GNAI1: variants seen among roughly 807,000 people sequenced by gnomAD.
The protein encoded by GNAI1 is guanine nucleotide-binding protein G(i) subunit alpha-1.
GNAI1 carries 11 observed loss-of-function variants against 38.9 expected under a neutral mutation model. That is an observed-to-expected ratio of 0.28 (90% CI 0.18 to 0.47). The LOEUF (loss-of-function observed/expected upper bound fraction) is 0.47. Among genes scored for constraint, GNAI1 ranks in the 20% least tolerant of loss-of-function variants. The pLI is 0.99. For missense variants in GNAI1, 317 were observed against 436.9 expected (o/e 0.73, Z 2.45); for synonymous variants, 166 against 145.1 (o/e 1.14, Z -1.04).
At chr7:80,136,121 C>T (rs1787411753) in intron 1 of GNAI1, 2 of 825,950 alleles carry the variant, frequency 2.4e-6, no homozygotes, top group Non-Finnish European at 2.9e-6. Context: ...GTTCGTGAAA[C>T]GCTACGTGGA....
intron 1 of GNAI1, among the ~76,000 whole-genome samples, chr7:80,153,160 G>C (rs1372319864): frequency 6.6e-6 from 1 of 152,136 alleles, no homozygotes; most frequent in Non-Finnish European, 1.5e-5. Flanking sequence ...GCCAGCCCCT[G>C]CATGATAGTG....
At chr7:80,140,682 T>C (rs1362610055) in intron 1 of GNAI1, among the ~76,000 whole-genome samples, 2 of 152,248 alleles carry the variant, frequency 1.3e-5, no homozygotes, top group Non-Finnish European at 2.9e-5. Flanking sequence ...GACTGGTTTC[T>C]GTCATAACTT....
intron 7 of GNAI1, among the ~76,000 whole-genome samples, chr7:80,213,232 C>G (rs1788903358): frequency 6.6e-6 from 1 of 152,114 alleles, no homozygotes; most frequent in South Asian, 2.1e-4. Flanking sequence ...ACTTAAACAA[C>G]AGGCAATAGC....
rs992545042 is a variant in GNAI1, at chr7:80,219,705, T to G, written c.*2212T>G. On this transcript the variant is annotated 3_prime_UTR_variant, in exon 8 of 8. Coordinates refer to ENST00000649796, the MANE Select transcript of GNAI1 (RefSeq NM_002069.6). The stretch of plus-strand genomic sequence containing the variant: ...TTCCTTACTAAGTACCATCATCATT[T>G]ATTCCTTCAATGGGGAACTTTTTAG... 6.6e-6 allele frequency among the ~76,000 whole-genome samples: 1 copy of G among 152,200 alleles called. No homozygotes were observed. The highest frequency in any genetic ancestry group is 1.5e-5 in the Non-Finnish European group (1 of 68,038).
In GNAI1 at chr7:80,217,746, G is replaced by A. The variant is rs1000364588; in HGVS notation, c.*253G>A. The stretch of plus-strand genomic sequence containing the variant: ...GGGCTCTAGTATATTGATGATTTCT[G>A]CATAAGTGTAAATATGCAAATGTAT... On this transcript the variant is annotated 3_prime_UTR_variant, in exon 8 of 8. Transcript: ENST00000649796. 1.1e-5 allele frequency: 3 copies of A among 266,614 alleles called. No individual in the cohort carries two copies. The highest frequency in any genetic ancestry group is 5.3e-5 in the Admixed American group (1 of 18,864). The allele number at this position is 266,614 out of a possible 1,614,324, so 16.5% of individuals were successfully genotyped here. A position where few individuals can be genotyped will look rare whatever the true frequency, so the allele number is the denominator to read the frequency against.
At chr7:80,152,715 C>A (rs1008515120) in intron 1 of GNAI1, among the ~76,000 whole-genome samples, 3 of 151,934 alleles carry the variant, frequency 2.0e-5, no homozygotes, top group Non-Finnish European at 4.4e-5. Flanking sequence ...CGCCTGCCAC[C>A]ATGCCTGGCT....
intron 1 of GNAI1, among the ~76,000 whole-genome samples, chr7:80,142,390 G>A (rs911978116): frequency 1.4e-4 from 22 of 152,196 alleles, no homozygotes; most frequent in Admixed American, 1.4e-3. Context: ...TAATGTGAAA[G>A]AATAAAGCTT....
At chr7:80,181,817 G>A (rs1788299004) in intron 1 of GNAI1, among the ~76,000 whole-genome samples, 1 of 151,888 alleles carries the variant, frequency 6.6e-6, no homozygotes, top group African/African-American at 2.4e-5. Context: ...TTACTATATG[G>A]GTACGTAAAT....
rs922621158 is a variant in GNAI1, at chr7:80,221,236, A to T, written c.*3743A>T. 2.0e-5 allele frequency among the ~76,000 whole-genome samples: 3 copies of T among 152,158 alleles called. No homozygotes were observed. Among genetic ancestry groups the T allele is most frequent in the Non-Finnish European group, 2.9e-5 (2 of 68,034 alleles). On this transcript the variant is annotated 3_prime_UTR_variant, in exon 8 of 8. Coordinates refer to ENST00000649796, the MANE Select transcript of GNAI1 (RefSeq NM_002069.6). Reference sequence around the variant, plus strand: ...ATTTAGTTTTGCTCTGCCTCCATTTATATCATCTGAAAATAAATAAGGATT... The same window carrying T: ...ATTTAGTTTTGCTCTGCCTCCATTTTTATCATCTGAAAATAAATAAGGATT...
chr7:80,160,167 A>C (rs1787896925), intron 1 of GNAI1, among the ~76,000 whole-genome samples: 1 of 151,030 alleles, frequency 6.6e-6, no homozygotes, highest in Non-Finnish European at 1.5e-5. Flanking sequence ...TGCATACTCT[A>C]GGTAGCCTCT....
At chr7:80,158,080 C>G (rs1787850880) in intron 1 of GNAI1, among the ~76,000 whole-genome samples, 1 of 152,058 alleles carries the variant, frequency 6.6e-6, no homozygotes, top group Non-Finnish European at 1.5e-5. Flanking sequence ...GTTTTTAGCC[C>G]ATTTTTAAAC....
At chr7:80,160,329 G>A (rs185664186) in intron 1 of GNAI1, among the ~76,000 whole-genome samples, 1 of 152,068 alleles carries the variant, frequency 6.6e-6, no homozygotes, top group Admixed American at 6.6e-5. Context: ...AAAAATGGGA[G>A]TAATGAGCCA....
At chr7:80,201,330 A>G (rs1788682892) in intron 4 of GNAI1, among the ~76,000 whole-genome samples, 1 of 152,164 alleles carries the variant, frequency 6.6e-6, no homozygotes. Context: ...GACAGATTGA[A>G]GTTCTCTTTC....
chr7:80,183,112 G>A (rs1181913701), intron 1 of GNAI1, among the ~76,000 whole-genome samples: 1 of 152,114 alleles, frequency 6.6e-6, no homozygotes, highest in African/African-American at 2.4e-5. Context: ...AAAGCTGGCA[G>A]AAGGCCTATT....
chr7:80,160,780 T>G (rs919448364), intron 1 of GNAI1, among the ~76,000 whole-genome samples: 2 of 152,188 alleles, frequency 1.3e-5, no homozygotes, highest in Non-Finnish European at 2.9e-5. Flanking sequence ...TAAAACAATT[T>G]GAGTATTTCC....
At chr7:80,157,752 C>A (rs528544577) in intron 1 of GNAI1, among the ~76,000 whole-genome samples, 50 of 152,094 alleles carry the variant, frequency 3.3e-4, no homozygotes, top group Non-Finnish European at 7.1e-4. Flanking sequence ...GTCACCCAAG[C>A]TGCAAATGCA....
intron 6 of GNAI1, 81 bp downstream of exon 6, chr7:80,211,179 A>AG: frequency 8.0e-7 from 1 of 1,242,452 alleles, no homozygotes; most frequent in Non-Finnish European, 1.1e-6. Context: ...TAATGTCTAT[A>AG]ACAATTTGAA....
At chr7:80,154,472 A>C (rs375130831) in intron 1 of GNAI1, among the ~76,000 whole-genome samples, 2 of 152,210 alleles carry the variant, frequency 1.3e-5, no homozygotes, top group East Asian at 1.9e-4. Flanking sequence ...TGCTCTGGAA[A>C]GAGTGGCAGG....
intron 1 of GNAI1, among the ~76,000 whole-genome samples, chr7:80,161,337 ATTAAT>A (rs1787920664): frequency 6.6e-6 from 1 of 152,186 alleles, no homozygotes; most frequent in Non-Finnish European, 1.5e-5. Flanking sequence ...TTACTTGGAG[ATTAAT>A]TTGTGTTAAG....
Sources: gnomAD v4.1 joint callset for allele counts (sites outside exome capture counted in the v4.1 genomes callset) on GRCh38, gnomAD v4.1.1 for gene constraint, MANE v1.5 for transcripts, NCBI Gene and HGNC (gene_info 2026-07-23, HGNC 2026-07-21) for gene names.